TAF3: variants seen among roughly 807,000 people sequenced by gnomAD.
The protein encoded by TAF3 is transcription initiation factor TFIID subunit 3.
A neutral mutation model predicts 80.6 loss-of-function variants in TAF3; 7 were observed. The observed-to-expected ratio is 0.09, with a 90% confidence interval of 0.05 to 0.16. The LOEUF (loss-of-function observed/expected upper bound fraction) is 0.16. Ranked by LOEUF, TAF3 falls within the 10% of genes least tolerant of loss-of-function variation. The pLI is 1.00. For missense variants in TAF3, 921 were observed against 1,140.2 expected, an observed-to-expected ratio of 0.81 and a Z score of 2.77; for synonymous variants, 444 against 446.1, an observed-to-expected ratio of 1.00 and a Z score of 0.06.
chr10:7,995,678 C>T lies in TAF3; in HGVS notation c.2316-13400C>T, dbSNP rs576966905. On this transcript the variant is annotated intron_variant, in intron 4 of 6. Transcript: ENST00000344293. ...TGTTTCATTTTTCAAATAGGTCATG[C>T]CTGCATTAAAAGATAAAATGTTTGC... is the stretch of plus-strand genomic sequence containing the variant. 2.0e-4 allele frequency among the ~76,000 whole-genome samples: 30 copies of T among 152,234 alleles called. No individual in the cohort carries two copies. The South Asian group carries it at 5.8e-3, about 30-fold the overall frequency.
intron 3 of TAF3, among the ~76,000 whole-genome samples, chr10:7,966,821 G>A (rs557967788): frequency 5.0e-4 from 76 of 152,018 alleles, no homozygotes; most frequent in South Asian, 4.2e-3. Context: ...CCCATTTTTC[G>A]CCTACCTTGA....
intron 2 of TAF3, among the ~76,000 whole-genome samples, chr10:7,856,241 C>T (rs1837078342): frequency 6.6e-6 from 1 of 151,976 alleles, no homozygotes; most frequent in South Asian, 2.1e-4. Flanking sequence ...TTTGGGAGGC[C>T]GAGGCGGGCG....
rs745865346 is a variant in TAF3, at chr10:7,964,115, G to T, written c.605G>T (p.Gly202Val). Residue 202 changes from glycine to valine, a missense_variant, in exon 3 of 7, where the codon GGG becomes GTG. Physicochemically the swap from Gly to Val is moderately radical, Grantham distance 109. Coordinates refer to ENST00000344293, the MANE Select transcript of TAF3 (RefSeq NM_031923.4). This position sits in a 1 kb window ranked among gnomAD's most constrained non-coding sequence, Gnocchi z 4.1. ...CGGCCTCGGCTATTAAGCACTAAAG[G>T]GGACACGCTAGATGTTGTGTTATTG... ...MKRPRLLSTKGDTLDVVLLEA... is the reference protein window; with the variant it reads ...MKRPRLLSTKVDTLDVVLLEA... 3.7e-6 allele frequency: 6 copies of T among 1,613,998 alleles called. No individual in the cohort carries two copies. Among genetic ancestry groups the T allele is most frequent in the Non-Finnish European group, 5.1e-6 (6 of 1,179,988 alleles).
intron 2 of TAF3, among the ~76,000 whole-genome samples, chr10:7,938,513 C>T (rs535098235): frequency 6.6e-6 from 1 of 152,128 alleles, no homozygotes; most frequent in East Asian, 1.9e-4. Flanking sequence ...GGCTTGAAAA[C>T]TCATGTCTCT....
At chr10:7,819,047 C>A (rs1183721643) in intron 1 of TAF3, among the ~76,000 whole-genome samples, 172 bp downstream of exon 1, 1 of 152,108 alleles carries the variant, frequency 6.6e-6, no homozygotes, top group Non-Finnish European at 1.5e-5. Context: ...AAACTCTAGT[C>A]ATCCTTCGGG....
At chr10:7,932,588 C>T (rs1837877722) in intron 2 of TAF3, among the ~76,000 whole-genome samples, 1 of 151,874 alleles carries the variant, frequency 6.6e-6, no homozygotes. Context: ...GAAGTACTCC[C>T]AATGTAAAGA....
intron 4 of TAF3, among the ~76,000 whole-genome samples, chr10:8,005,137 T>A (rs1831979657): frequency 6.6e-6 from 1 of 152,246 alleles, no homozygotes; most frequent in Non-Finnish European, 1.5e-5. Context: ...ACGACCTATA[T>A]TTCTAGCCTT....
At chr10:7,822,519 T>G (rs1836700433) in intron 1 of TAF3, among the ~76,000 whole-genome samples, 1 of 151,958 alleles carries the variant, frequency 6.6e-6, no homozygotes, top group African/African-American at 2.4e-5. Context: ...CAGAAGTATG[T>G]GGAGTTAGAA....
At chr10:7,865,472 C>T (rs1403402377) in intron 2 of TAF3, among the ~76,000 whole-genome samples, 1 of 139,030 alleles carries the variant, frequency 7.2e-6, no homozygotes, top group Admixed American at 7.6e-5. Flanking sequence ...GAGTGAGACT[C>T]CGTCTCAAAC....
rs1218836662 is a variant in TAF3, at chr10:7,863,626, A to AAAT, written c.409+39067_409+39068insATA. Among the ~76,000 whole-genome samples the AAAT allele has an allele frequency of 9.9e-3, 476 of 48,090 alleles. 96 individuals carry two copies. Among genetic ancestry groups the AAAT allele is most frequent in the African/African-American group, 0.028 (362 of 12,906 alleles). 31.5% of individuals were successfully genotyped at this position (48,090 alleles called of 152,430 possible). The stretch of plus-strand genomic sequence containing the variant: ...CTCTGTCTAAAAAAAAAAAAAAAAA[A>AAAT]ATATATATATATATATATATACACA... On this transcript the variant is annotated intron_variant, in intron 2 of 6. Coordinates refer to ENST00000344293, the MANE Select transcript of TAF3 (RefSeq NM_031923.4).
In TAF3 at chr10:7,953,549, G is replaced by A. The variant is rs568520291; in HGVS notation, c.410-10371G>A. On this transcript the variant is annotated intron_variant, in intron 2 of 6. Coordinates refer to ENST00000344293, the MANE Select transcript of TAF3 (RefSeq NM_031923.4). ...TGGGTTGAACTTGGCTCTGTGAACCGATCCCAGGTGTCATTTCAGTTAGGT... is the reference window on the plus strand; with the variant it reads ...TGGGTTGAACTTGGCTCTGTGAACCAATCCCAGGTGTCATTTCAGTTAGGT... Among the ~76,000 whole-genome samples the A allele has an allele frequency of 6.6e-5, 10 of 152,282 alleles. No homozygotes were observed. In the South Asian group the frequency reaches 1.9e-3, roughly 28 times the overall value.
intron 4 of TAF3, among the ~76,000 whole-genome samples, chr10:8,005,578 A>C (rs1339582157): frequency 6.6e-6 from 1 of 152,198 alleles, no homozygotes; most frequent in African/African-American, 2.4e-5. Context: ...CCTCTTCATC[A>C]TAACCAAATA....
At chr10:7,842,162 TTG>T (rs534495763) in intron 2 of TAF3, among the ~76,000 whole-genome samples, 19 of 90,030 alleles carry the variant, frequency 2.1e-4, no homozygotes, top group South Asian at 9.3e-4. Flanking sequence ...TTTTTTTTTT[TTG>T]TTTTTTTTTT....
In TAF3 at chr10:7,918,049, G is replaced by A. The variant is rs561384028; in HGVS notation, c.410-45871G>A. Among the ~76,000 whole-genome samples the A allele has an allele frequency of 1.9e-4, 29 of 152,264 alleles. No individual in the cohort carries two copies. The East Asian group carries it at 5.2e-3, about 27-fold the overall frequency. ...TAGTTCTGTTTTGTTTTTAGGATTC[G>A]GATATTATGGCATATTTGTATGCTC... On this transcript the variant is annotated intron_variant, in intron 2 of 6. Transcript: ENST00000344293.
intron 1 of TAF3, among the ~76,000 whole-genome samples, chr10:7,819,948 A>G (rs1564339861): frequency 6.6e-6 from 1 of 152,194 alleles, no homozygotes; most frequent in Non-Finnish European, 1.5e-5. Context: ...ATTCTTAAAA[A>G]CATTTTAACT....
chr10:7,981,307 A>G (rs2131422409), intron 4 of TAF3, among the ~76,000 whole-genome samples: 1 of 152,066 alleles, frequency 6.6e-6, no homozygotes, highest in African/African-American at 2.4e-5. Flanking sequence ...TGGGTCCCCC[A>G]TGCCCAGGTC....
intron 2 of TAF3, among the ~76,000 whole-genome samples, chr10:7,917,214 G>C (rs1837719579): frequency 6.6e-6 from 1 of 152,232 alleles, no homozygotes; most frequent in Non-Finnish European, 1.5e-5. Flanking sequence ...AATAAGTGCT[G>C]TGAGAAGAAG....
At chr10:7,883,005 A>G (rs1401772027) in intron 2 of TAF3, among the ~76,000 whole-genome samples, 2 of 152,206 alleles carry the variant, frequency 1.3e-5, no homozygotes. Flanking sequence ...TTCAGTGGGT[A>G]CTTTCTAAAA....
At chr10:7,945,492 T>C (rs1838015577) in intron 2 of TAF3, among the ~76,000 whole-genome samples, 1 of 152,212 alleles carries the variant, frequency 6.6e-6, no homozygotes, top group Non-Finnish European at 1.5e-5. Context: ...CCTGCCTTCC[T>C]TGGTATCTTC....
Sources: gnomAD v4.1 joint callset for allele counts (sites outside exome capture counted in the v4.1 genomes callset) on GRCh38, gnomAD v4.1.1 for gene constraint, Gnocchi (gnomAD v3.1) non-coding constraint, MANE v1.5 for transcripts, NCBI Gene and HGNC (gene_info 2026-07-23, HGNC 2026-07-21) for gene names.